The following SHD variants were observed in gnomAD, a reference collection of about 807,000 sequenced individuals.
The protein encoded by SHD is SH2 domain-containing adapter protein D.
SHD carries 29 observed loss-of-function variants against 31.2 expected under a neutral mutation model. The observed-to-expected ratio is 0.93, with a 90% CI of 0.69 to 1.27. The LOEUF (loss-of-function observed/expected upper bound fraction) is 1.27, where lower values mean the gene tolerates loss of function less well. Among genes scored for constraint, SHD ranks in the 50% most tolerant of loss-of-function variants. SHD has a pLI of 0.00. For synonymous variants in SHD, 208 were observed against 187.8 expected, an observed-to-expected ratio of 1.11 and a Z score of -0.88; for missense variants, 520 against 453.8, an observed-to-expected ratio of 1.15 and a Z score of -1.33.
At chr19:4,283,868 G>A (rs1971282492) in intron 3 of SHD, among the ~76,000 whole-genome samples, 1 of 151,494 alleles carries the variant, frequency 6.6e-6, no homozygotes, top group Non-Finnish European at 1.5e-5. Flanking sequence ...AGGAGCCACC[G>A]CGCCCCCGCC....
chr19:4,286,122 C>G (rs1971307140), intron 4 of SHD, among the ~76,000 whole-genome samples: 1 of 151,802 alleles, frequency 6.6e-6, no homozygotes, highest in Non-Finnish European at 1.5e-5. Flanking sequence ...AAACTCCTGA[C>G]CTCAGGTGAT....
chr19:4,283,356 T>C (rs1389893638), intron 3 of SHD, 114 bp downstream of exon 3: 1 of 1,129,300 alleles, frequency 8.9e-7, no homozygotes, highest in Admixed American at 2.7e-5. Context: ...GTCACTTTTG[T>C]AGTTTGTTAA....
chr19:4,290,552 C>G lies in SHD; in HGVS notation c.942C>G (p.Leu314=), dbSNP rs756164514. The G allele has an allele frequency of 6.2e-7, 1 of 1,613,714 alleles. No homozygotes were observed. The change falls in exon 6 of 6, where the codon CTC becomes CTG. Residue 314 remains leucine (L), a synonymous_variant. Coordinates refer to ENST00000543264, the MANE Select transcript of SHD (RefSeq NM_020209.4). ...GPFPSVPELV[L]HYSSRPLPVQ... ...TCCCCAGCGTGCCCGAGCTCGTCCT[C>G]CACTACAGTTCACGCCCACTGCCGG... is the stretch of plus-strand genomic sequence containing the variant.
At position 4,290,576 on chromosome 19, in the gene SHD, G is replaced by A. The variant is rs777135628; in HGVS notation, c.966G>A (p.Pro322=). The A allele has an allele frequency of 1.1e-5, 17 of 1,613,468 alleles. No homozygotes were observed. The highest frequency in any genetic ancestry group is 8.3e-5 in the Admixed American group (5 of 59,964). ...LVLHYSSRPL[P]VQGAEHLALL... ...TCCACTACAGTTCACGCCCACTGCCGGTGCAGGGTGCCGAGCATCTGGCTC... is the reference window on the plus strand; with the variant it reads ...TCCACTACAGTTCACGCCCACTGCCAGTGCAGGGTGCCGAGCATCTGGCTC... Residue 322 remains proline, a synonymous_variant, in exon 6 of 6, where the codon CCG becomes CCA. Coordinates refer to ENST00000543264, the MANE Select transcript of SHD (RefSeq NM_020209.4).
rs780330509 is a variant in SHD, at chr19:4,284,883, C to A, written c.695C>A (p.Ala232Asp). The stretch of plus-strand genomic sequence containing the variant: ...CAGCCTGCGGAGCGTGTGGACCCAG[C>A]CCTGCCCCTGGAGAAACAGCCGTGA... The part of the protein sequence containing the change: ...SPQPAERVDP[A>D]LPLEKQPWFH... The change falls in exon 4 of 6, where the codon GCC becomes GAC. Residue 232 changes from alanine (A) to aspartate (D), a missense_variant. Transcript: ENST00000543264. The A allele has an allele frequency of 4.4e-6, 7 of 1,603,688 alleles. No homozygotes were observed. In the South Asian group the frequency reaches 7.7e-5, roughly 18 times the overall value.
chr19:4,288,347 G>T lies in SHD; in HGVS notation c.821G>T (p.Cys274Phe). 1.9e-6 allele frequency: 3 copies of T among 1,613,166 alleles called. No individual in the cohort carries two copies. The highest frequency in any genetic ancestry group is 2.5e-6 in the Non-Finnish European group (3 of 1,179,546). ...CTCAGTGAGACCAACCCCCAGGACT[G>T]CTCCTTGTCTCTCAGGTGAGAACTC... ...VRLSETNPQD[C>F]SLSLRSSQGF... The change falls in exon 5 of 6, where the codon TGC becomes TTC. Residue 274 changes from cysteine (C) to phenylalanine (F), a missense_variant. By Grantham distance (205) the Cys-to-Phe change is radical. Coordinates refer to ENST00000543264, the MANE Select transcript of SHD (RefSeq NM_020209.4).
rs1971292442 is a variant in SHD at position 4,284,838 on chromosome 19, G to A, written c.650G>A (p.Arg217Lys). Reference sequence around the variant, plus strand: ...CCAGGCTCAGCCAAGGAGCTCCGGAGACCTCCGCCCAGAAGCCCCCAGCCT... The same window carrying A: ...CCAGGCTCAGCCAAGGAGCTCCGGAAACCTCCGCCCAGAAGCCCCCAGCCT... The part of the protein sequence containing the change: ...RTPGSAKELR[R>K]PPPRSPQPAE... The change falls in exon 4 of 6, where the codon AGA becomes AAA. Residue 217 changes from arginine to lysine, a missense_variant. By Grantham distance (26) the Arg-to-Lys change is conservative (BLOSUM62 2). Coordinates refer to ENST00000543264, the MANE Select transcript of SHD (RefSeq NM_020209.4). 1.2e-6 allele frequency: 2 copies of A among 1,613,156 alleles called. No individual in the cohort carries two copies. The highest frequency in any genetic ancestry group is 1.7e-6 in the Non-Finnish European group (2 of 1,179,614).
intron 5 of SHD, among the ~76,000 whole-genome samples, chr19:4,289,000 G>T (rs530038341): frequency 7.9e-5 from 12 of 151,868 alleles, no homozygotes; most frequent in African/African-American, 2.9e-4. Context: ...GTTGGGCATA[G>T]TGGTGCATAC....
At position 4,281,278 on chromosome 19, in the gene SHD, T is replaced by G. The variant is rs935207158; in HGVS notation, c.297+918T>G. Among the ~76,000 whole-genome samples, 12 of 128,720 alleles carry G rather than the reference T, an allele frequency of 9.3e-5. 1 individual carries two copies. The highest frequency in any genetic ancestry group is 5.1e-5 in the Non-Finnish European group (3 of 58,484). The allele number at this position is 128,720 out of a possible 152,430, so 84.4% of individuals were successfully genotyped here. A position where few individuals can be genotyped will look rare whatever the true frequency, so the allele number is the denominator to read the frequency against. ...CGGGCTAACAGAGTGAGACCTTGTC[T>G]CTACAAAAAAAAAATCAAAACATTA... On this transcript the variant is annotated intron_variant, in intron 1 of 5. Transcript: ENST00000543264.
intron 1 of SHD, among the ~76,000 whole-genome samples, chr19:4,282,575 G>C (rs1198496358): frequency 6.6e-6 from 1 of 152,046 alleles, no homozygotes; most frequent in East Asian, 1.9e-4. Flanking sequence ...AGTTAGCCAG[G>C]CATGGTGGCG....
At chr19:4,281,785 C>T (rs553577699) in intron 1 of SHD, among the ~76,000 whole-genome samples, 333 of 152,042 alleles carry the variant, frequency 2.2e-3, no homozygotes, top group Non-Finnish European at 4.2e-3. Context: ...AGAAGTAAGA[C>T]GTTGGTAAGA....
chr19:4,290,155 C>A (rs1402032357), intron 5 of SHD, among the ~76,000 whole-genome samples: 1 of 152,072 alleles, frequency 6.6e-6, no homozygotes, highest in Non-Finnish European at 1.5e-5. Flanking sequence ...GGATTACAGG[C>A]GTGAGCCACC....
At chr19:4,282,835 G>A (rs1363415884) in intron 1 of SHD, 35 bp from the exon 2 acceptor site, 1 of 1,601,956 alleles carries the variant, frequency 6.2e-7, no homozygotes, top group Non-Finnish European at 8.5e-7. Flanking sequence ...AAGCCCCTCT[G>A]AGTCCTTGTC....
chr19:4,283,548 ATTTC>A (rs1568368626), intron 3 of SHD, among the ~76,000 whole-genome samples: 2 of 147,708 alleles, frequency 1.4e-5, no homozygotes, highest in East Asian at 2.0e-4. Flanking sequence ...CAGGGGCAGC[ATTTC>A]TTTATTTTAT....
chr19:4,279,294 G>A lies in SHD; in HGVS notation c.-770G>A, dbSNP rs146355286. On this transcript the variant is annotated 5_prime_UTR_variant, in exon 1 of 6. Transcript: ENST00000543264. This position sits in a 1 kb window ranked among gnomAD's most constrained non-coding sequence, Gnocchi z 7.5. ...GCTGCCCGGGACGCGGCCCGGGGCTGGTGGGAACAGGGGCGTCCTCCTGCG... is the reference window on the plus strand; with the variant it reads ...GCTGCCCGGGACGCGGCCCGGGGCTAGTGGGAACAGGGGCGTCCTCCTGCG... 9,885 of 151,986 alleles carry A rather than the reference G, an allele frequency of 0.065. 547 individuals carry two copies. The highest frequency in any genetic ancestry group is 0.14 in the African/African-American group (5,857 of 41,438). The allele number at this position is 151,986 out of a possible 1,614,324, so 9.4% of individuals were successfully genotyped here.
At chr19:4,284,948 C>G in intron 4 of SHD, 44 bp downstream of exon 4, 1 of 1,495,642 alleles carries the variant, frequency 6.7e-7, no homozygotes, top group Non-Finnish European at 9.0e-7. Flanking sequence ...TTGAACGTAT[C>G]TGTAGACTCC....
intron 5 of SHD, among the ~76,000 whole-genome samples, chr19:4,289,906 C>T (rs761357763): frequency 4.0e-5 from 6 of 149,058 alleles, no homozygotes; most frequent in Admixed American, 1.3e-4. Context: ...GACAGAGTCT[C>T]ACTCTGTCAC....
chr19:4,283,534 G>A (rs1019591549), intron 3 of SHD, among the ~76,000 whole-genome samples: 2 of 151,870 alleles, frequency 1.3e-5, no homozygotes, highest in African/African-American at 4.8e-5. Flanking sequence ...GGATGTGGGG[G>A]TGGCAGGGGC....
Position 4,279,483 on chromosome 19 carries a change from G to A in SHD, c.-581G>A, listed in dbSNP as rs909036055. 1 of 152,328 alleles carries A rather than the reference G, an allele frequency of 6.6e-6. No individual in the cohort carries two copies. Among genetic ancestry groups the A allele is most frequent in the Non-Finnish European group, 1.5e-5 (1 of 68,126 alleles). 9.4% of individuals were successfully genotyped at this position (152,328 alleles called of 1,614,324 possible). A position where few individuals can be genotyped will look rare whatever the true frequency, so the allele number is the denominator to read the frequency against. ...CTGGGGGCTCCCCGCTGAGCCGAGA[G>A]GAGCGCGACAAAGGATGCGTCCCGC... is the stretch of plus-strand genomic sequence containing the variant. On this transcript the variant is annotated 5_prime_UTR_variant, in exon 1 of 6. Transcript: ENST00000543264. The surrounding 1 kb of genome is among the most constrained non-coding windows in gnomAD (Gnocchi z 7.5).
Sources: gnomAD v4.1 joint callset for allele counts (sites outside exome capture counted in the v4.1 genomes callset) on GRCh38, gnomAD v4.1.1 for gene constraint, Gnocchi (gnomAD v3.1) non-coding constraint, MANE v1.5 for transcripts, NCBI Gene and HGNC (gene_info 2026-07-23, HGNC 2026-07-21) for gene names.